KLF17: variants seen among roughly 807,000 people sequenced by gnomAD.
KLF17 encodes Krueppel-like factor 17.
A neutral mutation model predicts 34.2 loss-of-function variants in KLF17; 31 were observed. The observed-to-expected ratio is 0.91, with a 90% confidence interval of 0.68 to 1.22. The LOEUF (loss-of-function observed/expected upper bound fraction) is 1.22, where lower values mean the gene tolerates loss of function less well. Among genes scored for constraint, KLF17 ranks in the 50% most tolerant of loss-of-function variants. The probability of loss-of-function intolerance (pLI) is 0.00; values close to 1 mark genes in which losing one functional copy is unlikely to be tolerated. For synonymous variants in KLF17, 179 were observed against 186.7 expected (o/e 0.96, Z 0.34); for missense variants, 478 against 505.2 (o/e 0.95, Z 0.52).
chr1:44,049,646 C>A, the KLF17 span, among the ~76,000 whole-genome samples: 1 of 152,136 alleles, frequency 6.6e-6, no homozygotes, highest in Non-Finnish European at 1.5e-5. Flanking sequence ...CCATGCCTGG[C>A]TAATTTTTGT....
the KLF17 span, chr1:44,110,569 C>T: frequency 6.6e-6 from 1 of 151,950 alleles, no homozygotes; most frequent in Non-Finnish European, 1.5e-5. Context: ...TGGTGCATGC[C>T]TGTAATCCCA....
rs145913333 is a variant in KLF17 at position 44,128,052 on chromosome 1, C to T, written c.82-1301C>T. Among the ~76,000 whole-genome samples, 5 of 151,908 alleles carry T rather than the reference C, an allele frequency of 3.3e-5. No homozygotes were observed. The East Asian group carries it at 9.7e-4, about 30-fold the overall frequency. ...TTATTCGTTTCTCAACTCAAGAGCT[C>T]CCTCTTCTATTGCTACAGTAATGGA... On this transcript the variant is annotated intron_variant, in intron 1 of 3. Coordinates refer to ENST00000372299, the MANE Select transcript of KLF17 (RefSeq NM_173484.4).
At chr1:44,101,457 G>A in the KLF17 span, 1 of 151,992 alleles carries the variant, frequency 6.6e-6, no homozygotes, top group Non-Finnish European at 1.5e-5. Flanking sequence ...TTATGACCTC[G>A]ACATTTTGAA....
At chr1:44,058,932 C>T in the KLF17 span, among the ~76,000 whole-genome samples, 2 of 151,982 alleles carry the variant, frequency 1.3e-5, no homozygotes, top group African/African-American at 2.4e-5. Flanking sequence ...AAATAGTTAA[C>T]CTCCACAATC....
At chr1:44,104,310 C>G in the KLF17 span, 1 of 1,578,112 alleles carries the variant, frequency 6.3e-7, no homozygotes, top group Non-Finnish European at 8.6e-7. Context: ...CTTCTCCTGG[C>G]CCAGAGTCTC....
the KLF17 span, among the ~76,000 whole-genome samples, chr1:44,090,288 A>C: frequency 2.3e-5 from 3 of 128,848 alleles, no homozygotes; most frequent in Non-Finnish European, 4.8e-5. Flanking sequence ...TGGGCAACAC[A>C]GTGAGATCTT....
At chr1:44,091,025 T>C in the KLF17 span, among the ~76,000 whole-genome samples, 1 of 152,108 alleles carries the variant, frequency 6.6e-6, no homozygotes, top group African/African-American at 2.4e-5. Flanking sequence ...TTCAGGACTT[T>C]GTTATACTCT....
the KLF17 span, among the ~76,000 whole-genome samples, chr1:44,086,563 C>T: frequency 6.6e-6 from 1 of 152,200 alleles, no homozygotes; most frequent in Admixed American, 6.5e-5. Flanking sequence ...TAAGAAAAAG[C>T]TTAGCCTTTG....
the KLF17 span, among the ~76,000 whole-genome samples, chr1:44,095,123 A>C: frequency 6.6e-6 from 1 of 151,148 alleles, no homozygotes; most frequent in Admixed American, 6.6e-5. Context: ...GGATGGTCTC[A>C]ACCTCCTGAC....
At chr1:44,050,251 A>C in the KLF17 span, among the ~76,000 whole-genome samples, 1 of 152,232 alleles carries the variant, frequency 6.6e-6, no homozygotes, top group Admixed American at 6.5e-5. Context: ...TAAAATAATT[A>C]CCAGCACACC....
intron 2 of KLF17, 71 bp downstream of exon 2, chr1:44,130,267 G>A (rs1309491801): frequency 2.0e-6 from 3 of 1,538,190 alleles, no homozygotes; most frequent in African/African-American, 2.8e-5. Flanking sequence ...GGCCACTGGT[G>A]GGTAATTGTT....
At chr1:44,068,270 C>T in the KLF17 span, among the ~76,000 whole-genome samples, 1 of 152,130 alleles carries the variant, frequency 6.6e-6, no homozygotes, top group Admixed American at 6.5e-5. Context: ...GTGATATGCC[C>T]ACCTCTCAAA....
the KLF17 span, among the ~76,000 whole-genome samples, chr1:44,082,484 A>G: frequency 2.6e-4 from 39 of 152,356 alleles, no homozygotes; most frequent in African/African-American, 8.9e-4. Context: ...GACCAGCAGC[A>G]GTCAGAAACA....
rs975586148 is a variant in KLF17, at chr1:44,130,344, G to C, written c.925+148G>C. 4 of 1,419,168 alleles carry C rather than the reference G, an allele frequency of 2.8e-6. No homozygotes were observed. In the African/African-American group the frequency reaches 5.7e-5, roughly 20 times the overall value. The allele number at this position is 1,419,168 out of a possible 1,614,324, so 87.9% of individuals were successfully genotyped here. On this transcript the variant is annotated intron_variant, in intron 2 of 3. Transcript: ENST00000372299. The stretch of plus-strand genomic sequence containing the variant: ...ACTGGCCCCCCGACTTGCCATACAG[G>C]AGGACTGTGCCAAGATGACTGGGGC...
the KLF17 span, among the ~76,000 whole-genome samples, chr1:44,063,634 A>C: frequency 6.6e-6 from 1 of 152,004 alleles, no homozygotes; most frequent in Non-Finnish European, 1.5e-5. Context: ...ATATATTCTG[A>C]CTCTGCTTAT....
the KLF17 span, among the ~76,000 whole-genome samples, chr1:44,073,620 G>A: frequency 6.6e-6 from 1 of 152,038 alleles, no homozygotes; most frequent in African/African-American, 2.4e-5. Context: ...AAATATTTGA[G>A]GAACTGAATC....
At chr1:44,107,884 A>T in the KLF17 span, among the ~76,000 whole-genome samples, 5 of 152,362 alleles carry the variant, frequency 3.3e-5, no homozygotes, top group Admixed American at 6.5e-5. Context: ...AAAACACAGC[A>T]TATATAGGGT....
At chr1:44,099,294 C>T in the KLF17 span, among the ~76,000 whole-genome samples, 2 of 151,744 alleles carry the variant, frequency 1.3e-5, no homozygotes, top group African/African-American at 2.4e-5. Context: ...GTACCAGCTA[C>T]CTGGAAGACT....
At chr1:44,130,479 T>C (rs1307138957) in intron 2 of KLF17, 33 bp from the exon 3 acceptor site, 2 of 1,613,562 alleles carry the variant, frequency 1.2e-6, no homozygotes, top group Admixed American at 1.7e-5. Context: ...TCCTACTGTA[T>C]TCTAAATTCC....
Sources: gnomAD v4.1 joint callset for allele counts (sites outside exome capture counted in the v4.1 genomes callset) on GRCh38, gnomAD v4.1.1 for gene constraint, MANE v1.5 for transcripts, NCBI Gene and HGNC (gene_info 2026-07-23, HGNC 2026-07-21) for gene names.